Variants in HMGB3 observed in about 807,000 individuals in gnomAD.
HMGB3 encodes the protein high mobility group box 3, also known as high mobility group protein B3.
A neutral mutation model predicts 12.9 loss-of-function variants in HMGB3; 1 was observed. The observed-to-expected ratio is 0.08, with a 90% confidence interval of 0.03 to 0.37. HMGB3 has a LOEUF of 0.37. Among genes scored for constraint, HMGB3 ranks in the 10% least tolerant of loss-of-function variants. The pLI is 0.99. For synonymous variants in HMGB3, 61 were observed against 53.9 expected (o/e 1.13, Z -0.57); for missense variants, 74 against 153.3 (o/e 0.48, Z 2.73).
rs1557425371 is a variant in HMGB3 at position 150,990,580 on chromosome X, A to G, written c.*2666A>G. ...TTTTTTTTTTCCCCCATTTAAAAGG[A>G]TAGTACCTACTCCCTCTAACCACCT... On this transcript the variant is annotated 3_prime_UTR_variant, in exon 5 of 5. Transcript: ENST00000325307. 9.3e-6 allele frequency: 1 copy of G among 107,422 alleles called. No individual in the cohort carries two copies. The allele number at this position is 107,422 out of a possible 1,213,427, so 8.9% of individuals were successfully genotyped here. A position where few individuals can be genotyped will look rare whatever the true frequency, so the allele number is the denominator to read the frequency against.
At chrX:150,981,474 CCTTT>C (rs1249730667), upstream of HMGB3, among the ~76,000 whole-genome samples, 1 of 46,145 alleles carries the variant, frequency 2.2e-5, no homozygotes, top group African/African-American at 6.3e-5. Context: ...ACTATCTCTG[CCTTT>C]TTTTTTTTTT....
chrX:150,980,838 C>T (rs237402), upstream of HMGB3, among the ~76,000 whole-genome samples: 17,353 of 111,990 alleles, frequency 0.15, 1,072 homozygotes, highest in East Asian at 0.26. Flanking sequence ...ACATGTGCTG[C>T]TTGTGAGTTG....
At chrX:150,986,521 TG>T (rs1221104539) in intron 3 of HMGB3, among the ~76,000 whole-genome samples, 1 of 109,655 alleles carries the variant, frequency 9.1e-6, no homozygotes, top group Non-Finnish European at 1.9e-5. Flanking sequence ...ATTGAAAGAC[TG>T]GGACAGCACC....
At chrX:150,984,162 CGCGGCCCGGGGCGG>C (rs1440133889) in intron 1 of HMGB3, among the ~76,000 whole-genome samples, 13 of 97,839 alleles carry the variant, frequency 1.3e-4, no homozygotes, top group Non-Finnish European at 2.5e-4. Flanking sequence ...CCCCGGCGCC[CGCGGCCCGGGGCGG>C]GCGGCTCGGA....
chrX:150,983,571 G>A, intron 1 of HMGB3, 195 bp downstream of exon 1: 7 of 751,333 alleles, frequency 9.3e-6, no homozygotes, highest in Non-Finnish European at 1.1e-5. Flanking sequence ...CTAGGCGGCC[G>A]GGAAGGAAGA....
chrX:150,986,805 G>A (rs1309210199), intron 3 of HMGB3, among the ~76,000 whole-genome samples: 1 of 110,446 alleles, frequency 9.1e-6, no homozygotes, highest in East Asian at 2.8e-4. Flanking sequence ...CACCATGCCC[G>A]GCTAATTTTT....
intron 1 of HMGB3, among the ~76,000 whole-genome samples, chrX:150,983,776 C>T (rs1473841651): frequency 9.4e-6 from 1 of 106,840 alleles, no homozygotes. Flanking sequence ...GGGCTGTGGG[C>T]GCTGGGCGGC....
intron 2 of HMGB3, 137 bp downstream of exon 2, chrX:150,985,886 G>A (rs2048047097): frequency 1.2e-6 from 1 of 835,070 alleles, no homozygotes; most frequent in East Asian, 3.1e-5. Context: ...CTTGTCTTAA[G>A]AATTTTGTGT....
rs1652395465 is a variant in HMGB3, at chrX:150,985,691, A to T, written c.92A>T (p.Asn31Ile). The stretch of plus-strand genomic sequence containing the variant: ...TGCAGAGAAGAACATAAGAAGAAAA[A>T]CCCAGAGGTCCCTGTCAATTTTGCG... ...QTCREEHKKK[N>I]PEVPVNFAEF... is the part of the protein sequence containing the mutation. The change falls in exon 2 of 5, where the codon AAC becomes ATC. Residue 31 changes from asparagine to isoleucine, a missense_variant. By Grantham distance (149) the Asn-to-Ile change is moderately radical. Around this residue, in one of 2 missense-constraint regions of HMGB3, gnomAD observed 45 missense variants for 123.8 expected, o/e 0.36. Coordinates refer to ENST00000325307, the MANE Select transcript of HMGB3 (RefSeq NM_005342.4). 2 of 1,208,729 alleles carry T rather than the reference A, an allele frequency of 1.7e-6. No individual in the cohort carries two copies. The highest frequency in any genetic ancestry group is 1.1e-6 in the Non-Finnish European group (1 of 893,449).
At chrX:150,980,589 T>A, upstream of HMGB3, 4 of 744,599 alleles carry the variant, frequency 5.4e-6, no homozygotes, top group South Asian at 2.7e-4. Flanking sequence ...AAATATTTCC[T>A]ATGCAAAGGA....
At chrX:150,985,926 C>T in intron 2 of HMGB3, 125 bp from the exon 3 acceptor site, 1 of 834,752 alleles carries the variant, frequency 1.2e-6, no homozygotes, top group East Asian at 3.1e-5. Flanking sequence ...AGGCCCTGCA[C>T]AGGTTTCAGG....
upstream of HMGB3, among the ~76,000 whole-genome samples, chrX:150,982,430 A>G (rs782185246): frequency 2.7e-5 from 3 of 112,471 alleles, no homozygotes; most frequent in Non-Finnish European, 5.6e-5. Context: ...AGATCAAGTC[A>G]AATCCCATTC....
Position 150,983,343 on chromosome X carries a change from T to A in HMGB3, c.-39T>A, listed in dbSNP as rs1441399110. 1 of 754,115 alleles carries A rather than the reference T, an allele frequency of 1.3e-6. No homozygotes were observed. The highest frequency in any genetic ancestry group is 1.6e-6 in the Non-Finnish European group (1 of 639,243). The allele number at this position is 754,115 out of a possible 1,213,427, so 62.1% of individuals were successfully genotyped here. A position where few individuals can be genotyped will look rare whatever the true frequency, so the allele number is the denominator to read the frequency against. On this transcript the variant is annotated 5_prime_UTR_variant, in exon 1 of 5. Coordinates refer to ENST00000325307, the MANE Select transcript of HMGB3 (RefSeq NM_005342.4). Reference sequence around the variant, plus strand: ...CTGGGGAGCGCTGAGCCGCGCGTCGTGCCCTGCGCTGCCCAGACTAGCGAA... The same window carrying A: ...CTGGGGAGCGCTGAGCCGCGCGTCGAGCCCTGCGCTGCCCAGACTAGCGAA...
At chrX:150,986,269 A>G in intron 3 of HMGB3, 79 bp downstream of exon 3, 3 of 796,924 alleles carry the variant, frequency 3.8e-6, no homozygotes, top group Non-Finnish European at 5.2e-6. Flanking sequence ...GTCGTCCTGT[A>G]TTTCATTTCA....
At chrX:150,984,719 C>T in intron 1 of HMGB3, 4 of 191,977 alleles carry the variant, frequency 2.1e-5, no homozygotes, top group Non-Finnish European at 3.2e-5. Context: ...CCGCCCCGCC[C>T]GGGCCGCCGC....
Position 150,988,898 on chromosome X carries a change from G to A in HMGB3, c.*984G>A, listed in dbSNP as rs1557425331. 9.0e-6 allele frequency: 1 copy of A among 111,608 alleles called. No homozygotes were observed. The highest frequency in any genetic ancestry group is 1.9e-5 in the Non-Finnish European group (1 of 53,113). 9.2% of individuals were successfully genotyped at this position (111,608 alleles called of 1,213,427 possible). A position where few individuals can be genotyped will look rare whatever the true frequency, so the allele number is the denominator to read the frequency against. The stretch of plus-strand genomic sequence containing the variant: ...TATTACTCAGTGGCCAGCTCACTTA[G>A]GGCTGAGATGAAGGAGAGGGCTACT... On this transcript the variant is annotated 3_prime_UTR_variant, in exon 5 of 5. Transcript: ENST00000325307.
At chrX:150,984,047 G>GCGCCGC (rs1239172155) in intron 1 of HMGB3, among the ~76,000 whole-genome samples, 3 of 99,733 alleles carry the variant, frequency 3.0e-5, no homozygotes, top group Non-Finnish European at 4.1e-5. Context: ...CGCCCGCCCG[G>GCGCCGC]CGCCGCCGCC....
At position 150,988,868 on chromosome X, in the gene HMGB3, T is replaced by G. The variant is rs782327453; in HGVS notation, c.*954T>G. ...TGGCCTCCCTATAAATGTGGTAGCTTCTTTTATTACTCAGTGGCCAGCTCA... is the reference window on the plus strand; with the variant it reads ...TGGCCTCCCTATAAATGTGGTAGCTGCTTTTATTACTCAGTGGCCAGCTCA... On this transcript the variant is annotated 3_prime_UTR_variant, in exon 5 of 5. Transcript: ENST00000325307. 3.6e-4 allele frequency: 40 copies of G among 111,994 alleles called. No homozygotes were observed. Among genetic ancestry groups the G allele is most frequent in the African/African-American group, 1.0e-3 (31 of 30,786 alleles). The allele number at this position is 111,994 out of a possible 1,213,427, so 9.2% of individuals were successfully genotyped here. A position where few individuals can be genotyped will look rare whatever the true frequency, so the allele number is the denominator to read the frequency against.
intron 4 of HMGB3, 95 bp from the exon 5 acceptor site, chrX:150,987,682 A>G: frequency 1.5e-6 from 1 of 664,366 alleles, no homozygotes; most frequent in Non-Finnish European, 2.3e-6. Flanking sequence ...ACTTGATTTC[A>G]ATTCCTGTCC....
Sources: allele counts gnomAD v4.1 joint callset (sites outside exome capture counted in the v4.1 genomes callset), GRCh38; gene constraint gnomAD v4.1.1; regional missense constraint gnomAD v4.1.1; transcripts MANE v1.5; gene names NCBI Gene and HGNC (gene_info 2026-07-23, HGNC 2026-07-21).